Variants in CFAP74 observed in about 807,000 individuals in gnomAD.
CFAP74 encodes cilia- and flagella-associated protein 74.
Under a neutral mutation model 188.9 loss-of-function variants are expected in CFAP74, and 124 were observed. That is an observed-to-expected ratio of 0.66 (90% CI 0.57 to 0.76). The LOEUF (loss-of-function observed/expected upper bound fraction) is 0.76, where lower values mean the gene tolerates loss of function less well. Ranked by LOEUF, CFAP74 falls within the 30% of genes least tolerant of loss-of-function variation. The pLI is 0.00. For synonymous variants in CFAP74, 956 were observed against 916.7 expected (o/e 1.04, Z -0.77); for missense variants, 2,198 against 2,165.2 (o/e 1.02, Z -0.30).
chr1:1,932,111 T>C (rs1337854780), intron 25 of CFAP74, among the ~76,000 whole-genome samples: 1 of 107,894 alleles, frequency 9.3e-6, no homozygotes, highest in African/African-American at 3.8e-5. Flanking sequence ...CTTAGAAAAA[T>C]GTAGGCCGGG....
chr1:1,964,509 G>A (rs1655317937), intron 13 of CFAP74, among the ~76,000 whole-genome samples: 1 of 152,256 alleles, frequency 6.6e-6, no homozygotes, highest in Admixed American at 6.5e-5. Flanking sequence ...CGAAAGGCAG[G>A]CCAGGCGCAG....
At chr1:1,953,675 C>T (rs372281431) in intron 18 of CFAP74, 10 of 153,646 alleles carry the variant, frequency 6.5e-5, no homozygotes, top group African/African-American at 2.2e-4. Context: ...AATACACAAA[C>T]ACGCACCAGG....
chr1:1,968,533 T>C lies in CFAP74; in HGVS notation c.1245+102A>G. Reference sequence around the variant, plus strand: ...AGCAACCCCCTGCAGGTGGCCATGGTGCTGAGGTCCTCAGAGGATGTCTCA... The same window carrying C: ...AGCAACCCCCTGCAGGTGGCCATGGCGCTGAGGTCCTCAGAGGATGTCTCA... On this transcript the variant is annotated intron_variant, in intron 11 of 38. Transcript: ENST00000682832. The surrounding 1 kb of genome is among the most constrained non-coding windows in gnomAD (Gnocchi z 4.3). 1.0e-6 allele frequency: 1 copy of C among 1,000,020 alleles called. No individual in the cohort carries two copies. The highest frequency in any genetic ancestry group is 2.0e-5 in the Admixed American group (1 of 50,720). 61.9% of individuals were successfully genotyped at this position (1,000,020 alleles called of 1,614,324 possible). A position where few individuals can be genotyped will look rare whatever the true frequency, so the allele number is the denominator to read the frequency against.
Position 1,927,654 on chromosome 1 carries a change from G to A in CFAP74, c.3480C>T (p.Val1160=). 1.3e-6 allele frequency: 2 copies of A among 1,550,226 alleles called. No individual in the cohort carries two copies. The highest frequency in any genetic ancestry group is 8.7e-7 in the Non-Finnish European group (1 of 1,146,874). The part of the protein sequence containing the change: ...RAQNRDKLFK[V]SVPHVLEMRK... ...GCATCTCCAGGACGTGGGGGACAGA[G>A]ACTTTGAACAGCTTGTCGCGGTTCT... The change falls in exon 28 of 39, where the codon GTC becomes GTT. Residue 1160 remains valine, a synonymous_variant. Coordinates refer to ENST00000682832, the MANE Select transcript of CFAP74 (RefSeq NM_001304360.2).
At chr1:1,938,406 A>G (rs1199187576) in intron 25 of CFAP74, among the ~76,000 whole-genome samples, 3 of 151,360 alleles carry the variant, frequency 2.0e-5, no homozygotes, top group Non-Finnish European at 4.4e-5. Context: ...ACTCACCCCC[A>G]TACACTCACA....
chr1:1,922,941 C>T, intron 37 of CFAP74, 44 bp downstream of exon 37: 1 of 1,532,874 alleles, frequency 6.5e-7, no homozygotes, highest in Non-Finnish European at 8.7e-7. Flanking sequence ...GCAGGGGAGG[C>T]CGAGGGGGCT....
chr1:1,965,031 C>G lies in CFAP74; in HGVS notation c.1432G>C (p.Val478Leu), dbSNP rs534945921. The change falls in exon 13 of 39, where the codon GTG becomes CTG. Residue 478 changes from valine to leucine, a missense_variant. Val to Leu is a conservative substitution (Grantham distance 32, BLOSUM62 1). Coordinates refer to ENST00000682832, the MANE Select transcript of CFAP74 (RefSeq NM_001304360.2). Reference protein sequence around the residue: ...VPKEDVDRKPVGGTKMDKDIL... With the variant: ...VPKEDVDRKPLGGTKMDKDIL... ...TCCTTGTCCATCTTTGTCCCGCCCA[C>G]GGGCTTTCGGTCCACGTCCTCCTTG... The G allele has an allele frequency of 6.2e-7, 1 of 1,613,506 alleles. No homozygotes were observed. The highest frequency in any genetic ancestry group is 2.2e-5 in the East Asian group (1 of 44,868).
chr1:1,939,082 G>A, intron 24 of CFAP74, 94 bp from the exon 25 acceptor site: 2 of 1,282,054 alleles, frequency 1.6e-6, no homozygotes, highest in South Asian at 1.4e-5. Context: ...AGAGATGAGT[G>A]TGATCGTGTG....
chr1:1,971,533 C>T (rs1037285603), intron 9 of CFAP74, among the ~76,000 whole-genome samples: 17 of 152,280 alleles, frequency 1.1e-4, no homozygotes, highest in South Asian at 2.1e-4. Context: ...GCAAACTGTC[C>T]GCACATCCCA....
chr1:1,979,812 C>T (rs1209832315), intron 6 of CFAP74, among the ~76,000 whole-genome samples: 2 of 116,462 alleles, frequency 1.7e-5, no homozygotes, highest in Non-Finnish European at 3.7e-5. Context: ...GACGAAGCTG[C>T]GCAGAACACG....
intron 1 of CFAP74, among the ~76,000 whole-genome samples, chr1:1,999,775 C>T (rs1276030359): frequency 6.6e-6 from 1 of 152,070 alleles, no homozygotes; most frequent in Non-Finnish European, 1.5e-5. Flanking sequence ...CAAGATTGTG[C>T]CACTGCACTA....
At chr1:1,922,430 G>T in intron 38 of CFAP74, 42 bp from the exon 39 acceptor site, 1 of 1,571,080 alleles carries the variant, frequency 6.4e-7, no homozygotes, top group Non-Finnish European at 8.7e-7. Context: ...TCAGTCAGTG[G>T]GCACCCAGAG....
chr1:1,966,869 C>T (rs1655510524), intron 11 of CFAP74, among the ~76,000 whole-genome samples: 1 of 147,188 alleles, frequency 6.8e-6, no homozygotes, highest in Non-Finnish European at 1.5e-5. Context: ...CGCAGTCTTG[C>T]ACTGTCACCT....
intron 21 of CFAP74, among the ~76,000 whole-genome samples, chr1:1,943,016 C>T (rs897266891): frequency 6.6e-6 from 1 of 151,152 alleles, no homozygotes; most frequent in Non-Finnish European, 1.5e-5. Flanking sequence ...GCCTCTGCAC[C>T]CCTACTGCTG....
intron 28 of CFAP74, 112 bp from the exon 29 acceptor site, chr1:1,927,140 T>C (rs1480720792): frequency 7.7e-7 from 1 of 1,290,872 alleles, no homozygotes; most frequent in Non-Finnish European, 1.1e-6. Context: ...TCCCAAGCTG[T>C]GGCTGTCCCA....
At chr1:1,936,198 C>T (rs1467292281) in intron 25 of CFAP74, among the ~76,000 whole-genome samples, 1 of 129,524 alleles carries the variant, frequency 7.7e-6, no homozygotes, top group African/African-American at 3.0e-5. Context: ...GCCTGGGCAA[C>T]AAGAGCGATG....
At position 1,942,601 on chromosome 1, in the gene CFAP74, C is replaced by A. The variant is rs1256894018; in HGVS notation, c.2487-445G>T. Reference sequence around the variant, plus strand: ...GTGGGGGGCCTGGGACGGCCACAGGCCTCGGTTATGACAGCAGCCTCCAAC... The same window carrying A: ...GTGGGGGGCCTGGGACGGCCACAGGACTCGGTTATGACAGCAGCCTCCAAC... On this transcript the variant is annotated intron_variant, in intron 21 of 38. Coordinates refer to ENST00000682832, the MANE Select transcript of CFAP74 (RefSeq NM_001304360.2). The surrounding 1 kb of genome is among the most constrained non-coding windows in gnomAD (Gnocchi z 4.3). Among the ~76,000 whole-genome samples the A allele has an allele frequency of 6.6e-6, 1 of 152,092 alleles. No homozygotes were observed. Among genetic ancestry groups the A allele is most frequent in the Non-Finnish European group, 1.5e-5 (1 of 67,982 alleles).
rs1285995445 is a variant in CFAP74 at position 1,971,058 on chromosome 1, C to T, written c.889-242G>A. On this transcript the variant is annotated intron_variant, in intron 9 of 38. Coordinates refer to ENST00000682832, the MANE Select transcript of CFAP74 (RefSeq NM_001304360.2). ...ACCTGCACACACGTGCACACACATG[C>T]TCACACACGCACACCTGCACACACT... 2.7e-5 allele frequency among the ~76,000 whole-genome samples: 4 copies of T among 149,114 alleles called. No homozygotes were observed. The South Asian group carries it at 8.5e-4, about 32-fold the overall frequency.
intron 27 of CFAP74, 140 bp downstream of exon 27, chr1:1,928,644 G>C: frequency 1.6e-6 from 1 of 621,506 alleles, no homozygotes. Context: ...GATACAGCTC[G>C]ACACGTGCAT....
Sources: allele counts gnomAD v4.1 joint callset (sites outside exome capture counted in the v4.1 genomes callset), GRCh38; gene constraint gnomAD v4.1.1; non-coding constraint Gnocchi (gnomAD v3.1); transcripts MANE v1.5; gene names NCBI Gene and HGNC (gene_info 2026-07-23, HGNC 2026-07-21).